Variants in TFRC observed in about 807,000 individuals in gnomAD.
The protein encoded by TFRC is transferrin receptor.
A neutral mutation model predicts 85.8 loss-of-function variants in TFRC; 35 were observed. The observed-to-expected ratio is 0.41, with a 90% CI of 0.31 to 0.54. The LOEUF (loss-of-function observed/expected upper bound fraction) is 0.54, where lower values mean the gene tolerates loss of function less well. Among genes scored for constraint, TFRC ranks in the 20% least tolerant of loss-of-function variants. The pLI is 0.31. For synonymous variants in TFRC, 362 were observed against 328.6 expected, an observed-to-expected ratio of 1.10 and a Z score of -1.10; for missense variants, 828 against 921.5, an observed-to-expected ratio of 0.90 and a Z score of 1.31.
chr3:196,060,132 T>C, intron 14 of TFRC, 48 bp downstream of exon 14: 1 of 1,493,592 alleles, frequency 6.7e-7, no homozygotes, highest in Non-Finnish European at 9.2e-7. Context: ...CTCAGGTTGA[T>C]TCAACAAAAA....
rs1718215371 is a variant in TFRC at position 196,071,636 on chromosome 3, C to T, written c.585-138G>A. 6.8e-5 allele frequency: 65 copies of T among 955,184 alleles called. No individual in the cohort carries two copies. The South Asian group carries it at 1.0e-3, about 15-fold the overall frequency. The allele number at this position is 955,184 out of a possible 1,614,324, so 59.2% of individuals were successfully genotyped here. The stretch of plus-strand genomic sequence containing the variant: ...TTAAGCTTGATTTTTATTTTAAAAG[C>T]CTTTGGGCCGCATGCGGTGGCTCAC... On this transcript the variant is annotated intron_variant, in intron 5 of 18. Coordinates refer to ENST00000360110, the MANE Select transcript of TFRC (RefSeq NM_001128148.3).
chr3:196,071,598 T>C (rs1718213814), intron 5 of TFRC, 100 bp from the exon 6 acceptor site: 1 of 1,186,974 alleles, frequency 8.4e-7, no homozygotes, highest in Non-Finnish European at 1.2e-6. Context: ...TTGAGGAAAT[T>C]TACCTCTAAA....
chr3:196,062,223 AAAAAAAAAG>A (rs1199254789), intron 13 of TFRC, among the ~76,000 whole-genome samples: 1 of 152,126 alleles, frequency 6.6e-6, no homozygotes, highest in Non-Finnish European at 1.5e-5. Flanking sequence ...GTCTCAAAAA[AAAAAAAAAG>A]CTTTCTTCCA....
intron 18 of TFRC, 82 bp downstream of exon 18, chr3:196,053,336 G>T: frequency 6.7e-7 from 1 of 1,498,762 alleles, no homozygotes; most frequent in Non-Finnish European, 9.3e-7. Flanking sequence ...GACTCCTAGA[G>T]TTTGTCCACT....
rs142135886 is a variant in TFRC, at chr3:196,049,733, C to T, written c.*2209G>A. 4 of 229,824 alleles carry T rather than the reference C, an allele frequency of 1.7e-5. No homozygotes were observed. The highest frequency in any genetic ancestry group is 3.4e-5 in the Non-Finnish European group (4 of 116,028). 14.2% of individuals were successfully genotyped at this position (229,824 alleles called of 1,614,324 possible). A position where few individuals can be genotyped will look rare whatever the true frequency, so the allele number is the denominator to read the frequency against. ...CATTTAAGTACGTGTGCGTAACACCCGAACCAGGAATCTCAGCTATGACCT... is the reference window on the plus strand; with the variant it reads ...CATTTAAGTACGTGTGCGTAACACCTGAACCAGGAATCTCAGCTATGACCT... On this transcript the variant is annotated 3_prime_UTR_variant, in exon 19 of 19. Transcript: ENST00000360110.
chr3:196,075,022 G>A, intron 3 of TFRC, 137 bp downstream of exon 3: 1 of 819,984 alleles, frequency 1.2e-6, no homozygotes, highest in East Asian at 2.7e-5. Context: ...CTCTAGCCTA[G>A]GCAAGAGAGT....
intron 4 of TFRC, 134 bp from the exon 5 acceptor site, chr3:196,072,286 C>T: frequency 8.3e-7 from 1 of 1,203,370 alleles, no homozygotes; most frequent in Non-Finnish European, 1.1e-6. Context: ...TGACCCAAAA[C>T]TTCTAGACTG....
chr3:196,065,660 T>A, intron 9 of TFRC, 60 bp from the exon 10 acceptor site: 1 of 1,507,708 alleles, frequency 6.6e-7, no homozygotes, highest in South Asian at 1.3e-5. Flanking sequence ...GGTTTACTCC[T>A]GTCCAGTGAA....
intron 18 of TFRC, 30 bp from the exon 19 acceptor site, chr3:196,052,214 A>G (rs777853012): frequency 3.1e-6 from 5 of 1,607,188 alleles, no homozygotes; most frequent in Non-Finnish European, 4.3e-6. Flanking sequence ...GGCAATTTAC[A>G]CAGCCCTGTG....
At chr3:196,066,431 G>A (rs1717748117) in intron 9 of TFRC, among the ~76,000 whole-genome samples, 1 of 152,116 alleles carries the variant, frequency 6.6e-6, no homozygotes, top group African/African-American at 2.4e-5. Flanking sequence ...CTCCTGCCTG[G>A]GCAACAGAGT....
At chr3:196,076,991 C>T (rs1241391986) in intron 2 of TFRC, 73 bp downstream of exon 2, 2 of 1,388,586 alleles carry the variant, frequency 1.4e-6, no homozygotes, top group East Asian at 4.6e-5. Flanking sequence ...TTATTTCATG[C>T]TTACTCAGTT....
intron 17 of TFRC, among the ~76,000 whole-genome samples, chr3:196,054,469 T>C (rs1716608623): frequency 6.6e-6 from 1 of 152,170 alleles, no homozygotes; most frequent in African/African-American, 2.4e-5. Flanking sequence ...GTCAGTGATT[T>C]ACTTCAATTA....
At chr3:196,075,061 A>T (rs947563162) in intron 3 of TFRC, 98 bp downstream of exon 3, 5 of 707,214 alleles carry the variant, frequency 7.1e-6, no homozygotes, top group East Asian at 2.5e-5. Context: ...AAAAAAAAAA[A>T]AAAAATAAGG....
chr3:196,081,556 T>C (rs1719177359), intron 1 of TFRC, among the ~76,000 whole-genome samples: 1 of 152,176 alleles, frequency 6.6e-6, no homozygotes, highest in Non-Finnish European at 1.5e-5. Flanking sequence ...CAGCCACGTG[T>C]TCCCCCGGCG....
At chr3:196,065,717 C>A in intron 9 of TFRC, 117 bp from the exon 10 acceptor site, 2 of 1,143,004 alleles carry the variant, frequency 1.7e-6, no homozygotes, top group Non-Finnish European at 1.2e-6. Context: ...CTCAGCCCGG[C>A]GAAGTGGCTC....
intron 6 of TFRC, among the ~76,000 whole-genome samples, chr3:196,070,447 T>TA (rs1718095662): frequency 6.6e-6 from 1 of 151,892 alleles, no homozygotes; most frequent in South Asian, 2.1e-4. Flanking sequence ...GTATTTTTAA[T>TA]AGAGTTCACC....
rs140849301 is a variant in TFRC at position 196,057,632 on chromosome 3, CAAG to C, written c.1677+649_1677+651del. On this transcript the variant is annotated intron_variant, in intron 16 of 18. Coordinates refer to ENST00000360110, the MANE Select transcript of TFRC (RefSeq NM_001128148.3). ...AGTAAATTTGGTCTCAAAGTTGACA[CAAG>C]AAGATCCATGGCCAGGTGTAGTAAG... Among the ~76,000 whole-genome samples the C allele has an allele frequency of 5.9e-3, 891 of 152,022 alleles. 6 individuals carry two copies. The highest frequency in any genetic ancestry group is 0.02 in the African/African-American group (844 of 41,464).
intron 1 of TFRC, among the ~76,000 whole-genome samples, chr3:196,078,961 A>G (rs1430212254): frequency 6.6e-6 from 1 of 151,918 alleles, no homozygotes; most frequent in Non-Finnish European, 1.5e-5. Context: ...TTTAGTAGAG[A>G]CGGGATTTTA....
intron 17 of TFRC, 92 bp from the exon 18 acceptor site, chr3:196,053,650 T>C (rs1191800098): frequency 2.0e-6 from 3 of 1,514,858 alleles, no homozygotes; most frequent in African/African-American, 1.4e-5. Context: ...AGTAAGATTC[T>C]GATAAAAGGA....
Sources: gnomAD v4.1 joint callset for allele counts (sites outside exome capture counted in the v4.1 genomes callset) on GRCh38, gnomAD v4.1.1 for gene constraint, MANE v1.5 for transcripts, NCBI Gene and HGNC (gene_info 2026-07-23, HGNC 2026-07-21) for gene names.